The following GAR1 variants were observed in gnomAD, a reference collection of about 807,000 sequenced individuals.
The protein encoded by GAR1 is GAR1 ribonucleoprotein.
A neutral mutation model predicts 29.3 loss-of-function variants in GAR1; 11 were observed. That is an observed-to-expected ratio of 0.38 (90% CI 0.24 to 0.62). The LOEUF (loss-of-function observed/expected upper bound fraction) is 0.62, where lower values mean the gene tolerates loss of function less well. GAR1 is among the 20% of genes least tolerant of loss of function. The pLI, the probability that GAR1 is intolerant of heterozygous loss-of-function variation, is 0.62. For synonymous variants in GAR1, 87 were observed against 93.3 expected, an observed-to-expected ratio of 0.93 and a Z score of 0.39; for missense variants, 237 against 268.4, an observed-to-expected ratio of 0.88 and a Z score of 0.82.
At chr4:109,820,600 G>C (rs1296437517) in intron 4 of GAR1, among the ~76,000 whole-genome samples, 1 of 152,042 alleles carries the variant, frequency 6.6e-6, no homozygotes, top group Non-Finnish European at 1.5e-5. Context: ...CCACAAGCCT[G>C]TCATAAAAGT....
intron 4 of GAR1, among the ~76,000 whole-genome samples, chr4:109,821,480 C>G (rs969098114): frequency 1.3e-5 from 2 of 152,144 alleles, no homozygotes; most frequent in African/African-American, 4.8e-5. Flanking sequence ...ACAATATGCT[C>G]TTTACATCTC....
intron 2 of GAR1, among the ~76,000 whole-genome samples, chr4:109,817,120 A>G (rs1733376122): frequency 6.6e-6 from 1 of 152,192 alleles, no homozygotes; most frequent in South Asian, 2.1e-4. Flanking sequence ...AGCAGTTTCT[A>G]GAATAAAAGG....
At chr4:109,815,914 G>T (rs893153619) in intron 1 of GAR1, 110 bp downstream of exon 1, 2 of 563,386 alleles carry the variant, frequency 3.5e-6, no homozygotes, top group Non-Finnish European at 3.1e-6. Context: ...CTGTCTGTAG[G>T]GGGAGGAGAT....
Position 109,824,676 on chromosome 4 carries a change from G to T in GAR1, c.*245G>T. ...GGCACTCTGTGGGTGCTCAATAAAT[G>T]GATAGGAGTTTTCATTTGAAGCATA... On this transcript the variant is annotated 3_prime_UTR_variant, in exon 7 of 7. Coordinates refer to ENST00000226796, the MANE Select transcript of GAR1 (RefSeq NM_018983.4). 5.2e-6 allele frequency: 2 copies of T among 388,316 alleles called. No homozygotes were observed. The highest frequency in any genetic ancestry group is 4.7e-6 in the Non-Finnish European group (1 of 214,978). The allele number at this position is 388,316 out of a possible 1,614,324, so 24.1% of individuals were successfully genotyped here. A position where few individuals can be genotyped will look rare whatever the true frequency, so the allele number is the denominator to read the frequency against.
chr4:109,816,339 A>G lies in GAR1; in HGVS notation c.175A>G (p.Asn59Asp), dbSNP rs1462909273. Residue 59 changes from asparagine to aspartate, a missense_variant, in exon 2 of 7, where the codon AAC becomes GAC. Transcript: ENST00000226796. ...FGRGGGRGGFNKGQDQGPPER... is the reference protein window; with the variant it reads ...FGRGGGRGGFDKGQDQGPPER... Reference sequence around the variant, plus strand: ...ACGAGGGGGTGGCCGCGGAGGCTTTAACAAAGGCCAAGACCAAGGACCTCC... The same window carrying G: ...ACGAGGGGGTGGCCGCGGAGGCTTTGACAAAGGCCAAGACCAAGGACCTCC... The G allele has an allele frequency of 2.5e-6, 4 of 1,613,780 alleles. No individual in the cohort carries two copies. The African/African-American group carries it at 5.3e-5, about 22-fold the overall frequency.
At chr4:109,822,586 A>G (rs1236082577) in intron 5 of GAR1, 98 bp downstream of exon 5, 13 of 1,269,338 alleles carry the variant, frequency 1.0e-5, no homozygotes, top group East Asian at 2.7e-5. Context: ...AACCTCCCTT[A>G]TGGTTCTTTT....
At chr4:109,818,828 G>A (rs1733426126) in intron 3 of GAR1, among the ~76,000 whole-genome samples, 173 bp from the exon 4 acceptor site, 1 of 151,926 alleles carries the variant, frequency 6.6e-6, no homozygotes, top group Non-Finnish European at 1.5e-5. Flanking sequence ...GCCCCCCGAA[G>A]TGCTGGGTTT....
rs566732776 is a variant in GAR1, at chr4:109,816,537, C to T, written c.214+159C>T. On this transcript the variant is annotated intron_variant, in intron 2 of 6. Transcript: ENST00000226796. Reference sequence around the variant, plus strand: ...AGAAAGCTGAGGGATACTTAGAATGCATCTTGGAGGTGGAACTTGAGGGTT... The same window carrying T: ...AGAAAGCTGAGGGATACTTAGAATGTATCTTGGAGGTGGAACTTGAGGGTT... 2.6e-5 allele frequency among the ~76,000 whole-genome samples: 4 copies of T among 152,206 alleles called. No homozygotes were observed. The East Asian group carries it at 7.7e-4, about 29-fold the overall frequency.
At position 109,815,804 on chromosome 4, in the gene GAR1, G is replaced by T; in HGVS notation, c.-13G>T. 3.6e-6 allele frequency: 1 copy of T among 276,876 alleles called. No homozygotes were observed. Among genetic ancestry groups the T allele is most frequent in the Non-Finnish European group, 6.9e-6 (1 of 145,784 alleles). 17.2% of individuals were successfully genotyped at this position (276,876 alleles called of 1,614,324 possible). A position where few individuals can be genotyped will look rare whatever the true frequency, so the allele number is the denominator to read the frequency against. On this transcript the variant is annotated splice_region_variant and 5_prime_UTR_variant, in exon 1 of 7. Coordinates refer to ENST00000226796, the MANE Select transcript of GAR1 (RefSeq NM_018983.4). The stretch of plus-strand genomic sequence containing the variant: ...CAGGGCCAGAGGGGCACGTGGCGCC[G>T]GTGAGTGGCCGTAGAAGCCGGAGGA...
At chr4:109,823,486 A>T (rs1440847808) in intron 5 of GAR1, among the ~76,000 whole-genome samples, 2 of 151,808 alleles carry the variant, frequency 1.3e-5, no homozygotes, top group African/African-American at 4.8e-5. Context: ...TTATTTTTTT[A>T]AAATCTTACT....
At chr4:109,822,251 G>T in intron 4 of GAR1, 96 bp from the exon 5 acceptor site, 17 of 628,952 alleles carry the variant, frequency 2.7e-5, no homozygotes, top group Non-Finnish European at 3.8e-5. Flanking sequence ...ATTGGGGTTT[G>T]AACCCAGGCA....
intron 4 of GAR1, 51 bp downstream of exon 4, chr4:109,819,111 CT>C: frequency 1.1e-6 from 1 of 936,756 alleles, no homozygotes; most frequent in Non-Finnish European, 1.8e-6. Flanking sequence ...AGGGAACGAC[CT>C]ATCTTAGGAA....
At chr4:109,818,950 G>T in intron 3 of GAR1, 51 bp from the exon 4 acceptor site, 2 of 769,618 alleles carry the variant, frequency 2.6e-6, no homozygotes, top group South Asian at 1.5e-5. Context: ...CAGAACATTT[G>T]ATATCATCTT....
chr4:109,821,454 G>A (rs183561198), intron 4 of GAR1, among the ~76,000 whole-genome samples: 2 of 152,262 alleles, frequency 1.3e-5, no homozygotes, highest in African/African-American at 2.4e-5. Context: ...TGTGTTTTAT[G>A]TAGAAGAACT....
chr4:109,824,432 G>A lies in GAR1; in HGVS notation c.*1G>A, dbSNP rs1318462239. The A allele has an allele frequency of 6.3e-7, 1 of 1,592,740 alleles. No individual in the cohort carries two copies. Among genetic ancestry groups the A allele is most frequent in the Non-Finnish European group, 8.6e-7 (1 of 1,161,036 alleles). Reference sequence around the variant, plus strand: ...CTCTTAATCAGGGAGAGGACATTAAGTGAAACAGTTGACAGACATCACCAG... The same window carrying A: ...CTCTTAATCAGGGAGAGGACATTAAATGAAACAGTTGACAGACATCACCAG... On this transcript the variant is annotated 3_prime_UTR_variant, in exon 7 of 7. Coordinates refer to ENST00000226796, the MANE Select transcript of GAR1 (RefSeq NM_018983.4).
intron 5 of GAR1, 114 bp from the exon 6 acceptor site, chr4:109,823,851 A>G (rs1312339420): frequency 3.4e-6 from 2 of 582,592 alleles, no homozygotes; most frequent in Non-Finnish European, 5.9e-6. Flanking sequence ...TAGTTATTGT[A>G]TTGATCTTTT....
intron 2 of GAR1, among the ~76,000 whole-genome samples, chr4:109,817,186 CAGGATGGTGACAGTG>C (rs1733377581): frequency 6.6e-6 from 1 of 151,940 alleles, no homozygotes; most frequent in African/African-American, 2.4e-5. Context: ...GAGCCTGAAT[CAGGATGGTGACAGTG>C]AGGAAAAAAA....
chr4:109,823,980 G>C lies in GAR1; in HGVS notation c.587G>C (p.Gly196Ala), dbSNP rs1270835425. The stretch of plus-strand genomic sequence containing the variant: ...TGTTTTTTAGGTGGTTTTAGAGGTG[G>C]AAGAGGAGGTGGAGGTGGGGGCTTC... ...GGGRGGGFRG[G>A]RGGGGGGFRG... is the part of the protein sequence containing the mutation. The change falls in exon 6 of 7, where the codon GGA becomes GCA. Residue 196 changes from glycine to alanine, a missense_variant. Coordinates refer to ENST00000226796, the MANE Select transcript of GAR1 (RefSeq NM_018983.4). 3.1e-6 allele frequency: 5 copies of C among 1,605,012 alleles called. No individual in the cohort carries two copies. The highest frequency in any genetic ancestry group is 4.3e-6 in the Non-Finnish European group (5 of 1,173,148).
Position 109,816,319 on chromosome 4 carries a change from G to T in GAR1, c.155G>T (p.Gly52Val). Residue 52 changes from glycine to valine, a missense_variant, in exon 2 of 7, where the codon GGG becomes GTG. Transcript: ENST00000226796. Reference protein sequence around the residue: ...RGGGRGGFGRGGGRGGFNKGQ... With the variant: ...RGGGRGGFGRVGGRGGFNKGQ... ...GGCGGCAGGGGAGGATTTGGACGAG[G>T]GGGTGGCCGCGGAGGCTTTAACAAA... 6.2e-7 allele frequency: 1 copy of T among 1,613,598 alleles called. No homozygotes were observed. Among genetic ancestry groups the T allele is most frequent in the Non-Finnish European group, 8.5e-7 (1 of 1,179,864 alleles).
Sources: allele counts gnomAD v4.1 joint callset (sites outside exome capture counted in the v4.1 genomes callset), GRCh38; gene constraint gnomAD v4.1.1; transcripts MANE v1.5; gene names NCBI Gene and HGNC (gene_info 2026-07-23, HGNC 2026-07-21).